The following FRMPD4 variants were observed in gnomAD, a reference collection of about 807,000 sequenced individuals.
FRMPD4 encodes FERM and PDZ domain-containing protein 4.
In FRMPD4, 22 loss-of-function variants were observed where a neutral mutation model predicts 94.1. That is an observed-to-expected ratio of 0.23 (90% CI 0.17 to 0.33). FRMPD4 has a LOEUF of 0.33. Ranked by LOEUF, FRMPD4 falls within the 10% of genes least tolerant of loss-of-function variation. The pLI is 1.00. For synonymous variants in FRMPD4, 631 were observed against 548.6 expected (o/e 1.15, Z -2.10); for missense variants, 1,111 against 1,339.9 (o/e 0.83, Z 2.67).
At chrX:12,662,959 T>C (rs1441645475) in intron 4 of FRMPD4, among the ~76,000 whole-genome samples, 1 of 112,233 alleles carries the variant, frequency 8.9e-6, no homozygotes, top group Non-Finnish European at 1.9e-5. Flanking sequence ...CCAGTGATGA[T>C]AAACTTTTTT....
At chrX:12,229,266 G>A (rs1034981479) in intron 1 of FRMPD4, among the ~76,000 whole-genome samples, 1 of 111,745 alleles carries the variant, frequency 8.9e-6, no homozygotes, top group Non-Finnish European at 1.9e-5. Flanking sequence ...ATTCAAGTCA[G>A]GGAGATCAGG....
chrX:12,712,139 C>A (rs773401237), intron 14 of FRMPD4, among the ~76,000 whole-genome samples: 3 of 109,645 alleles, frequency 2.7e-5, no homozygotes, highest in African/African-American at 1.0e-4. Flanking sequence ...GATTTAAAAA[C>A]TAGCTTGCAA....
intron 10 of FRMPD4, among the ~76,000 whole-genome samples, chrX:12,702,835 G>C (rs192904663): frequency 1.8e-5 from 2 of 112,178 alleles, no homozygotes; most frequent in Admixed American, 9.4e-5. Context: ...ACTCCTTCCA[G>C]ATGCTTTCTC....
intron 3 of FRMPD4, among the ~76,000 whole-genome samples, chrX:12,106,246 G>A: frequency 8.9e-6 from 1 of 112,199 alleles, no homozygotes; most frequent in East Asian, 2.8e-4. Flanking sequence ...CCTTGGAGAG[G>A]CAGCTTTGGA....
At chrX:12,688,402 G>A (rs2060049207) in intron 7 of FRMPD4, among the ~76,000 whole-genome samples, 1 of 112,417 alleles carries the variant, frequency 8.9e-6, no homozygotes, top group Non-Finnish European at 1.9e-5. Flanking sequence ...TGATTTCCCT[G>A]AGGATTGCAG....
At chrX:12,337,664 T>C (rs2055548591) in intron 1 of FRMPD4, among the ~76,000 whole-genome samples, 2 of 112,179 alleles carry the variant, frequency 1.8e-5, no homozygotes, top group Admixed American at 1.9e-4. Context: ...GGTTGTGAGG[T>C]CAACTGTGGC....
intron 1 of FRMPD4, among the ~76,000 whole-genome samples, chrX:11,823,665 T>C (rs1314767855): frequency 8.9e-6 from 1 of 111,779 alleles, no homozygotes; most frequent in Non-Finnish European, 1.9e-5. Context: ...GAGGCAGCCA[T>C]AGACAATTCG....
At chrX:12,076,327 CGTGTGT>C (rs34558552) in intron 3 of FRMPD4, among the ~76,000 whole-genome samples, 4 of 98,128 alleles carry the variant, frequency 4.1e-5, no homozygotes, top group African/African-American at 1.1e-4. Context: ...CCTAGCAAAA[CGTGTGT>C]GTGTGTGTGT....
At chrX:12,166,907 T>C (rs1423143713) in intron 1 of FRMPD4, among the ~76,000 whole-genome samples, 2 of 111,106 alleles carry the variant, frequency 1.8e-5, no homozygotes, top group Non-Finnish European at 3.8e-5. Context: ...ATCCCCTTTA[T>C]CATTTTTTAT....
chrX:12,192,830 G>T (rs914958039), intron 1 of FRMPD4, among the ~76,000 whole-genome samples: 5 of 111,658 alleles, frequency 4.5e-5, no homozygotes, highest in Non-Finnish European at 7.5e-5. Context: ...TGATGCTGAT[G>T]CTGCTGATCC....
chrX:12,704,982 T>C (rs766310755), intron 11 of FRMPD4, among the ~76,000 whole-genome samples: 1 of 111,812 alleles, frequency 8.9e-6, no homozygotes, highest in Non-Finnish European at 1.9e-5. Context: ...CTGTGTATTC[T>C]GGGATGTTTA....
At chrX:12,310,090 AC>A (rs2055007387) in intron 1 of FRMPD4, among the ~76,000 whole-genome samples, 1 of 111,495 alleles carries the variant, frequency 9.0e-6, no homozygotes, top group Admixed American at 9.5e-5. Context: ...GCTTTTAATC[AC>A]CTGGGTGCAG....
At chrX:12,039,976 A>AG (rs1433204150) in intron 3 of FRMPD4, among the ~76,000 whole-genome samples, 9 of 104,307 alleles carry the variant, frequency 8.6e-5, no homozygotes, top group African/African-American at 3.0e-4. Flanking sequence ...TCAAAAAAAA[A>AG]AAAAAAAAGA....
At chrX:12,154,099 C>A (rs1029748396) in intron 1 of FRMPD4, among the ~76,000 whole-genome samples, 1 of 112,433 alleles carries the variant, frequency 8.9e-6, no homozygotes, top group African/African-American at 3.2e-5. Context: ...TCAAGTGATT[C>A]TTGTTGGAGA....
intron 3 of FRMPD4, among the ~76,000 whole-genome samples, chrX:12,041,391 A>G (rs956940766): frequency 6.3e-5 from 7 of 111,908 alleles, no homozygotes; most frequent in Admixed American, 2.8e-4. Flanking sequence ...ATCTCACAGT[A>G]ATGTTATTTC....
At chrX:12,217,413 G>T (rs1467309607) in intron 1 of FRMPD4, among the ~76,000 whole-genome samples, 1 of 111,790 alleles carries the variant, frequency 8.9e-6, no homozygotes, top group Non-Finnish European at 1.9e-5. Flanking sequence ...GCATTCAGAG[G>T]CTCTCTTAGT....
chrX:12,496,605 A>T (rs2057852358), intron 1 of FRMPD4, among the ~76,000 whole-genome samples: 1 of 112,229 alleles, frequency 8.9e-6, no homozygotes, highest in Non-Finnish European at 1.9e-5. Flanking sequence ...CTGTGTCGTT[A>T]ACTTTTCTCA....
intron 1 of FRMPD4, among the ~76,000 whole-genome samples, chrX:12,457,337 T>C (rs915045259): frequency 2.7e-5 from 3 of 111,505 alleles, no homozygotes; most frequent in Non-Finnish European, 5.7e-5. Flanking sequence ...GTCATTGCAG[T>C]GGTCCTCATG....
chrX:12,418,847 A>C, intron 1 of FRMPD4, among the ~76,000 whole-genome samples: 1 of 111,514 alleles, frequency 9.0e-6, no homozygotes, highest in Middle Eastern at 4.2e-3. Flanking sequence ...CCATTTCTTC[A>C]GCTTTTCTCC....
Sources: gnomAD v4.1 joint callset for allele counts (sites outside exome capture counted in the v4.1 genomes callset) on GRCh38, gnomAD v4.1.1 for gene constraint, MANE v1.5 for transcripts, NCBI Gene and HGNC (gene_info 2026-07-23, HGNC 2026-07-21) for gene names.